Variants in PSEN1 observed in about 807,000 individuals in gnomAD.
PSEN1 encodes the protein presenilin-1.
Under a neutral mutation model 53.5 loss-of-function variants are expected in PSEN1, and 15 were observed. That is an observed-to-expected ratio of 0.28 (90% CI 0.19 to 0.43). The LOEUF (loss-of-function observed/expected upper bound fraction) is 0.43, where lower values mean the gene tolerates loss of function less well. Among genes scored for constraint, PSEN1 ranks in the 20% least tolerant of loss-of-function variants. PSEN1 has a pLI of 1.00. For missense variants in PSEN1, 387 were observed against 571.2 expected (o/e 0.68, Z 3.29); for synonymous variants, 208 against 209.8 (o/e 0.99, Z 0.08).
intron 3 of PSEN1, 101 bp downstream of exon 3, chr14:73,148,207 A>C: frequency 3.4e-6 from 3 of 881,236 alleles, no homozygotes; most frequent in Non-Finnish European, 5.6e-6. Context: ...GGCTTTCTCT[A>C]CTTTACCACA....
chr14:73,164,000 T>G (rs1320854933), intron 3 of PSEN1, among the ~76,000 whole-genome samples: 2 of 151,728 alleles, frequency 1.3e-5, no homozygotes, highest in African/African-American at 4.8e-5. Context: ...GAAAGACCAA[T>G]TGGAAGCCTA....
intron 7 of PSEN1, among the ~76,000 whole-genome samples, chr14:73,197,076 GCA>G (rs1898981907): frequency 1.3e-5 from 2 of 151,946 alleles, no homozygotes; most frequent in African/African-American, 4.8e-5. Flanking sequence ...GGGACTACAG[GCA>G]CGCGCCACCA....
intron 1 of PSEN1, among the ~76,000 whole-genome samples, chr14:73,140,009 A>G (rs1896872922): frequency 6.6e-6 from 1 of 152,186 alleles, no homozygotes; most frequent in Non-Finnish European, 1.5e-5. Context: ...ATTAAAAATT[A>G]GTTGTATTCT....
intron 10 of PSEN1, among the ~76,000 whole-genome samples, chr14:73,213,908 T>C (rs991306524): frequency 1.3e-5 from 2 of 152,192 alleles, no homozygotes; most frequent in Non-Finnish European, 2.9e-5. Context: ...TGTAAAATAG[T>C]ATAGTGATTT....
chr14:73,152,280 T>G (rs1897253263), intron 3 of PSEN1, among the ~76,000 whole-genome samples: 1 of 151,946 alleles, frequency 6.6e-6, no homozygotes, highest in Admixed American at 6.6e-5. Flanking sequence ...CTGTGATGAC[T>G]GACTAAAGTC....
chr14:73,147,788 A>G lies in PSEN1; in HGVS notation c.-135-7A>G, dbSNP rs1474233910. On this transcript the variant is annotated splice_region_variant and splice_polypyrimidine_tract_variant and intron_variant, in intron 1 of 11. Transcript: ENST00000324501. Reference sequence around the variant, plus strand: ...ACAATGGATGACCTGGTGAAATCCTATTTCAGACCTAATCTGGGAGCCTGC... The same window carrying G: ...ACAATGGATGACCTGGTGAAATCCTGTTTCAGACCTAATCTGGGAGCCTGC... 3.7e-6 allele frequency: 2 copies of G among 544,476 alleles called. No homozygotes were observed. The highest frequency in any genetic ancestry group is 3.8e-5 in the African/African-American group (2 of 52,632). 33.7% of individuals were successfully genotyped at this position (544,476 alleles called of 1,614,324 possible).
At chr14:73,178,746 ATT>A (rs1429873506) in intron 5 of PSEN1, among the ~76,000 whole-genome samples, 1 of 152,046 alleles carries the variant, frequency 6.6e-6, no homozygotes, top group East Asian at 1.9e-4. Context: ...CTTTCCTTTC[ATT>A]TTAAGAGTGT....
intron 3 of PSEN1, chr14:73,168,204 A>C (rs1897776510): frequency 6.6e-6 from 1 of 152,192 alleles, no homozygotes; most frequent in East Asian, 1.9e-4. Flanking sequence ...AAAAATACAA[A>C]AATTAGTTGG....
chr14:73,160,145 G>T, intron 3 of PSEN1: 2 of 179,484 alleles, frequency 1.1e-5, no homozygotes, highest in South Asian at 8.4e-5. Context: ...TCATGTAAGT[G>T]GAATCATACA....
At chr14:73,188,648 A>G (rs957371288) in intron 6 of PSEN1, among the ~76,000 whole-genome samples, 1 of 152,188 alleles carries the variant, frequency 6.6e-6, no homozygotes, top group East Asian at 1.9e-4. Flanking sequence ...AAAAATAAAT[A>G]AATAACTAAA....
At chr14:73,177,107 C>T (rs763077064) in intron 5 of PSEN1, among the ~76,000 whole-genome samples, 34 of 152,132 alleles carry the variant, frequency 2.2e-4, no homozygotes, top group Non-Finnish European at 4.0e-4. Context: ...GTCCTTTTTG[C>T]AGTTTTCTAA....
chr14:73,148,156 C>T (rs770874103), intron 3 of PSEN1, 50 bp downstream of exon 3: 3 of 1,368,354 alleles, frequency 2.2e-6, no homozygotes, highest in Non-Finnish European at 3.1e-6. Flanking sequence ...ATTCACTTAT[C>T]ATCTCCCCTC....
chr14:73,215,042 A>G (rs1375314979), intron 10 of PSEN1, among the ~76,000 whole-genome samples: 1 of 151,724 alleles, frequency 6.6e-6, no homozygotes, highest in East Asian at 1.9e-4. Context: ...GCTCACTGCA[A>G]CTCTGCCTCC....
intron 1 of PSEN1, chr14:73,138,104 G>A (rs1233470207): frequency 6.6e-6 from 1 of 151,206 alleles, no homozygotes; most frequent in Non-Finnish European, 1.5e-5. Flanking sequence ...TTTTCTTTTG[G>A]AGAAAAGGCA....
chr14:73,179,669 C>G (rs767447252), intron 5 of PSEN1, among the ~76,000 whole-genome samples: 3 of 152,122 alleles, frequency 2.0e-5, no homozygotes, highest in Non-Finnish European at 2.9e-5. Context: ...GTTAGGAGAC[C>G]TCTTTCCTGA....
At chr14:73,213,611 G>A (rs1235758939) in intron 10 of PSEN1, among the ~76,000 whole-genome samples, 2 of 152,172 alleles carry the variant, frequency 1.3e-5, no homozygotes, top group Non-Finnish European at 2.9e-5. Flanking sequence ...GACACTATAG[G>A]TCAGTTGCTA....
chr14:73,147,963 T>C lies in PSEN1; in HGVS notation c.-53-4T>C. ...CAAAGTTCTGTTTTTCTTTCCCTTT[T>C]CAGAACCTCAAGAGGCTTTGTTTTC... On this transcript the variant is annotated splice_region_variant and splice_polypyrimidine_tract_variant and intron_variant, in intron 2 of 11. Transcript: ENST00000324501. 7.2e-7 allele frequency: 1 copy of C among 1,394,802 alleles called. No homozygotes were observed. Among genetic ancestry groups the C allele is most frequent in the South Asian group, 1.2e-5 (1 of 85,918 alleles). The allele number at this position is 1,394,802 out of a possible 1,614,324, so 86.4% of individuals were successfully genotyped here. A position where few individuals can be genotyped will look rare whatever the true frequency, so the allele number is the denominator to read the frequency against.
At chr14:73,165,640 C>T (rs1897688121) in intron 3 of PSEN1, among the ~76,000 whole-genome samples, 1 of 151,212 alleles carries the variant, frequency 6.6e-6, no homozygotes, top group African/African-American at 2.4e-5. Context: ...CCCAGCTACT[C>T]AGGAGGCTGA....
At chr14:73,144,355 A>T (rs993961154) in intron 1 of PSEN1, among the ~76,000 whole-genome samples, 2 of 152,046 alleles carry the variant, frequency 1.3e-5, no homozygotes, top group South Asian at 2.1e-4. Context: ...ATCCTTTTTT[A>T]AAAAAACATA....
Sources: gnomAD v4.1 joint callset for allele counts (sites outside exome capture counted in the v4.1 genomes callset) on GRCh38, gnomAD v4.1.1 for gene constraint, MANE v1.5 for transcripts, NCBI Gene and HGNC (gene_info 2026-07-23, HGNC 2026-07-21) for gene names.